ENAH: variants seen among roughly 807,000 people sequenced by gnomAD.
ENAH encodes ENAH actin regulator.
ENAH carries 23 observed loss-of-function variants against 78.7 expected under a neutral mutation model. That is an observed-to-expected ratio of 0.29 (90% CI 0.21 to 0.41). ENAH has a LOEUF of 0.41. ENAH is among the 10% of genes least tolerant of loss of function. The probability of loss-of-function intolerance (pLI) is 1.00; values close to 1 mark genes in which losing one functional copy is unlikely to be tolerated. For synonymous variants in ENAH, 226 were observed against 241.0 expected (o/e 0.94, Z 0.58); for missense variants, 544 against 691.0 (o/e 0.79, Z 2.39).
At chr1:225,531,826 G>A (rs1190730511) in intron 3 of ENAH, among the ~76,000 whole-genome samples, 2 of 151,960 alleles carry the variant, frequency 1.3e-5, no homozygotes, top group Admixed American at 1.3e-4. Context: ...CCCAAGTGTG[G>A]AAAAACAGAA....
At chr1:225,566,325 CA>C (rs556363592) in intron 2 of ENAH, among the ~76,000 whole-genome samples, 100 of 152,192 alleles carry the variant, frequency 6.6e-4, no homozygotes, top group Non-Finnish European at 1.1e-3. Flanking sequence ...CGTAGGCCCA[CA>C]GCCCCTATAT....
Position 225,491,910 on chromosome 1 carries a change from GA to G in ENAH, c.*5864del, listed in dbSNP as rs1271193920. ...TTTAGAATTGTCATCTACTGCTGAA[GA>G]AATCTTTCTTGGAATTGAAGGGAAC... On this transcript the variant is annotated 3_prime_UTR_variant, in exon 14 of 14. Coordinates refer to ENST00000366843, the MANE Select transcript of ENAH (RefSeq NM_018212.6). The G allele has an allele frequency of 3.3e-5, 5 of 152,108 alleles. No homozygotes were observed. The East Asian group carries it at 9.6e-4, about 29-fold the overall frequency. 9.4% of individuals were successfully genotyped at this position (152,108 alleles called of 1,614,324 possible).
chr1:225,566,347 C>T (rs2096735097), intron 2 of ENAH, among the ~76,000 whole-genome samples: 1 of 152,058 alleles, frequency 6.6e-6, no homozygotes, highest in African/African-American at 2.4e-5. Context: ...GCATACATGA[C>T]AAATCTTACC....
At chr1:225,517,118 T>A in intron 6 of ENAH, 78 bp downstream of exon 6, 50 of 1,133,322 alleles carry the variant, frequency 4.4e-5, no homozygotes, top group Non-Finnish European at 5.3e-5. Context: ...ATCCTACCCA[T>A]CCATTCAGGC....
intron 3 of ENAH, among the ~76,000 whole-genome samples, chr1:225,540,156 T>C (rs1175129832): frequency 6.6e-6 from 1 of 152,206 alleles, no homozygotes; most frequent in Non-Finnish European, 1.5e-5. Context: ...GAAAGAGGGT[T>C]TGTTTTCGTT....
chr1:225,560,125 T>C (rs562696700), intron 2 of ENAH, among the ~76,000 whole-genome samples: 1 of 151,932 alleles, frequency 6.6e-6, no homozygotes, highest in South Asian at 2.1e-4. Flanking sequence ...CTTCCTCAAT[T>C]TGGGATGGGT....
chr1:225,498,973 G>A (rs985981870), intron 12 of ENAH, among the ~76,000 whole-genome samples: 10 of 152,086 alleles, frequency 6.6e-5, no homozygotes, highest in African/African-American at 1.4e-4. Context: ...TGTCCAATAC[G>A]GCAGGCACGA....
rs752280919 is a variant in ENAH at position 225,497,721 on chromosome 1, T to C, written c.*54A>G. On this transcript the variant is annotated 3_prime_UTR_variant, in exon 14 of 14. Transcript: ENST00000366843. ...GTTTGCTGTTGTGAACAGTTGTTGT[T>C]TGTAGGATATTTTTCCTCCAGATTA... is the stretch of plus-strand genomic sequence containing the variant. The C allele has an allele frequency of 6.4e-7, 1 of 1,562,476 alleles. No individual in the cohort carries two copies. Among genetic ancestry groups the C allele is most frequent in the Non-Finnish European group, 8.8e-7 (1 of 1,137,540 alleles).
intron 1 of ENAH, among the ~76,000 whole-genome samples, chr1:225,575,991 C>T (rs1422952888): frequency 2.6e-5 from 4 of 152,156 alleles, no homozygotes; most frequent in African/African-American, 9.7e-5. Flanking sequence ...ACAAACCATA[C>T]CACTAGCACT....
chr1:225,579,720 T>C (rs1276035610), intron 1 of ENAH, among the ~76,000 whole-genome samples: 2 of 152,230 alleles, frequency 1.3e-5, no homozygotes, highest in Non-Finnish European at 2.9e-5. Flanking sequence ...AGGACGCACA[T>C]GAACTTTGAA....
chr1:225,502,537 T>C (rs1341380452), intron 11 of ENAH, among the ~76,000 whole-genome samples: 1 of 152,154 alleles, frequency 6.6e-6, no homozygotes, highest in Non-Finnish European at 1.5e-5. Context: ...CAAAACGTAT[T>C]ACTGCTTAAA....
intron 1 of ENAH, among the ~76,000 whole-genome samples, chr1:225,629,332 TC>T (rs1288657003): frequency 1.3e-5 from 2 of 150,644 alleles, no homozygotes; most frequent in Non-Finnish European, 2.9e-5. Flanking sequence ...ACGCCTATAA[TC>T]CCAGCACTTT....
In ENAH at chr1:225,495,505, A is replaced by AT. The variant is rs1162445387; in HGVS notation, c.*2269dup. On this transcript the variant is annotated 3_prime_UTR_variant, in exon 14 of 14. Transcript: ENST00000366843. ...CAGTTTACACATACATCATGTTAAT[A>AT]TTAGACCAAGGCACAAAACGTTTAG... is the stretch of plus-strand genomic sequence containing the variant. 3 of 135,146 alleles carry AT rather than the reference A, an allele frequency of 2.2e-5. No individual in the cohort carries two copies. The highest frequency in any genetic ancestry group is 4.6e-5 in the Non-Finnish European group (3 of 64,908). The allele number at this position is 135,146 out of a possible 1,614,324, so 8.4% of individuals were successfully genotyped here. A position where few individuals can be genotyped will look rare whatever the true frequency, so the allele number is the denominator to read the frequency against.
chr1:225,595,296 G>A (rs1453945196), intron 1 of ENAH, among the ~76,000 whole-genome samples: 1 of 151,792 alleles, frequency 6.6e-6, no homozygotes, highest in Non-Finnish European at 1.5e-5. Flanking sequence ...TTACGCCATT[G>A]CACTCTAGCC....
At chr1:225,592,288 C>T (rs1186653621) in intron 1 of ENAH, among the ~76,000 whole-genome samples, 1 of 152,210 alleles carries the variant, frequency 6.6e-6, no homozygotes, top group Admixed American at 6.5e-5. Flanking sequence ...CATCCTCTGA[C>T]CAATACAAGA....
intron 10 of ENAH, among the ~76,000 whole-genome samples, chr1:225,509,240 G>A (rs960449702): frequency 1.3e-5 from 2 of 152,108 alleles, no homozygotes; most frequent in African/African-American, 4.8e-5. Flanking sequence ...GGTGAAAAAA[G>A]GGAAGTCCTG....
intron 7 of ENAH, among the ~76,000 whole-genome samples, chr1:225,514,187 G>T (rs529686575): frequency 1.6e-4 from 24 of 151,908 alleles, no homozygotes; most frequent in African/African-American, 5.3e-4. Context: ...TATTTTTTGA[G>T]ACAAAGTCTT....
chr1:225,561,702 G>A (rs1256066811), intron 2 of ENAH, among the ~76,000 whole-genome samples: 1 of 146,324 alleles, frequency 6.8e-6, no homozygotes, highest in African/African-American at 2.5e-5. Flanking sequence ...TGTCCACTGA[G>A]CATGCTGTCA....
At chr1:225,517,697 GAGA>G (rs1326738177) in intron 5 of ENAH, 7 of 1,551,102 alleles carry the variant, frequency 4.5e-6, no homozygotes, top group South Asian at 1.2e-5. Flanking sequence ...GTGTTCACAG[GAGA>G]AGAAGGTCGA....
Sources: allele counts gnomAD v4.1 joint callset (sites outside exome capture counted in the v4.1 genomes callset), GRCh38; gene constraint gnomAD v4.1.1; transcripts MANE v1.5; gene names NCBI Gene and HGNC (gene_info 2026-07-23, HGNC 2026-07-21).